The following NKAIN2 variants were observed in gnomAD, a reference collection of about 807,000 sequenced individuals.
NKAIN2 encodes the protein sodium/potassium-transporting ATPase subunit beta-1-interacting protein 2.
NKAIN2 carries 14 observed loss-of-function variants against 32.6 expected under a neutral mutation model. The observed-to-expected ratio is 0.43, with a 90% CI of 0.28 to 0.67. NKAIN2 has a LOEUF of 0.67. NKAIN2 is among the 30% of genes least tolerant of loss of function. The pLI is 0.17. For synonymous variants in NKAIN2, 80 were observed against 87.2 expected (o/e 0.92, Z 0.46); for missense variants, 198 against 258.3 (o/e 0.77, Z 1.60).
In NKAIN2 at chr6:124,397,619, G is replaced by A. The variant is rs548756965; in HGVS notation, c.273+42272G>A. ...TATGTTATGCAATACTAGAGTGGGC[G>A]TTGAAATGTGGAAAAAAAAGAATTT... On this transcript the variant is annotated intron_variant, in intron 3 of 6. Transcript: ENST00000368417. Among the ~76,000 whole-genome samples, 131 of 150,038 alleles carry A rather than the reference G, an allele frequency of 8.7e-4. 1 individual carries two copies. The South Asian group carries it at 0.011, about 13-fold the overall frequency.
chr6:123,908,432 T>G (rs924676257), intron 1 of NKAIN2, among the ~76,000 whole-genome samples: 3 of 152,200 alleles, frequency 2.0e-5, no homozygotes, highest in African/African-American at 7.2e-5. Context: ...TGCATGCATA[T>G]CCTATTCTAT....
At chr6:124,765,594 C>CCTCTTAAGTTGTTTTT (rs1200360862) in intron 4 of NKAIN2, among the ~76,000 whole-genome samples, 1 of 152,182 alleles carries the variant, frequency 6.6e-6, no homozygotes, top group African/African-American at 2.4e-5. Flanking sequence ...AGGTCACACT[C>CCTCTTAAGTTGTTTTT]CTCTTAAGTT....
intron 2 of NKAIN2, among the ~76,000 whole-genome samples, chr6:124,341,478 T>C (rs1798110384): frequency 6.6e-6 from 1 of 152,196 alleles, no homozygotes; most frequent in Admixed American, 6.5e-5. Flanking sequence ...TTTCCCTTTT[T>C]GATGCTCAAA....
chr6:124,678,796 C>T (rs1396937694), intron 4 of NKAIN2, among the ~76,000 whole-genome samples: 1 of 152,136 alleles, frequency 6.6e-6, no homozygotes, highest in South Asian at 2.1e-4. Flanking sequence ...ACACATTTGT[C>T]AAAGTAGCCA....
At chr6:123,971,416 T>C (rs1778335336) in intron 1 of NKAIN2, among the ~76,000 whole-genome samples, 1 of 152,140 alleles carries the variant, frequency 6.6e-6, no homozygotes. Context: ...AGGGGTTTTG[T>C]TCTTTCTTTT....
In NKAIN2 at chr6:124,576,085, T is replaced by G. The variant is rs1781322523; in HGVS notation, c.274-82101T>G. 2.0e-5 allele frequency among the ~76,000 whole-genome samples: 3 copies of G among 152,304 alleles called. No homozygotes were observed. The South Asian group carries it at 6.2e-4, about 32-fold the overall frequency. ...AAGCCAGTTCCACTTAAAAATAACCTTAATCAAGCATTAAAAATTACTGAT... is the reference window on the plus strand; with the variant it reads ...AAGCCAGTTCCACTTAAAAATAACCGTAATCAAGCATTAAAAATTACTGAT... On this transcript the variant is annotated intron_variant, in intron 3 of 6. Transcript: ENST00000368417.
chr6:124,823,113 G>T, intron 6 of NKAIN2, 107 bp from the exon 7 acceptor site: 8 of 798,624 alleles, frequency 1.0e-5, no homozygotes, highest in South Asian at 4.4e-5. Context: ...CTTCTTTTTT[G>T]TTTGTTTGTT....
At position 123,883,994 on chromosome 6, in the gene NKAIN2, G is replaced by T. The variant is rs189950451; in HGVS notation, c.54+79740G>T. Among the ~76,000 whole-genome samples the T allele has an allele frequency of 7.3e-5, 11 of 151,410 alleles. No homozygotes were observed. The East Asian group carries it at 2.1e-3, about 30-fold the overall frequency. The stretch of plus-strand genomic sequence containing the variant: ...TTATTTTAAGTTCAGGGGTACAAGT[G>T]CAGGTTTGTTACATAGATAAACTTG... On this transcript the variant is annotated intron_variant, in intron 1 of 6. Transcript: ENST00000368417.
At chr6:124,168,568 G>A (rs1459538871) in intron 1 of NKAIN2, among the ~76,000 whole-genome samples, 4 of 151,998 alleles carry the variant, frequency 2.6e-5, no homozygotes, top group South Asian at 2.1e-4. Flanking sequence ...GTGTGTGTGT[G>A]TGTGGTCTAC....
intron 1 of NKAIN2, among the ~76,000 whole-genome samples, chr6:124,138,081 G>A (rs1786915691): frequency 6.6e-6 from 1 of 152,110 alleles, no homozygotes; most frequent in African/African-American, 2.4e-5. Flanking sequence ...CAGAGTAGGA[G>A]AAAATATCTG....
chr6:124,461,772 G>A (rs1034148291), intron 3 of NKAIN2, among the ~76,000 whole-genome samples: 2 of 151,818 alleles, frequency 1.3e-5, no homozygotes, highest in African/African-American at 2.4e-5. Flanking sequence ...AGTAGTGGGA[G>A]AAGAACTGCC....
chr6:124,775,743 T>C (rs1298171161), intron 4 of NKAIN2, among the ~76,000 whole-genome samples: 1 of 152,192 alleles, frequency 6.6e-6, no homozygotes, highest in East Asian at 1.9e-4. Context: ...ATCTTAGCTA[T>C]GATAACACTG....
intron 2 of NKAIN2, among the ~76,000 whole-genome samples, chr6:124,335,417 C>A (rs1488661399): frequency 6.6e-6 from 1 of 152,096 alleles, no homozygotes; most frequent in Non-Finnish European, 1.5e-5. Flanking sequence ...ATTGATGTCT[C>A]ATATTTCCCA....
chr6:124,781,212 G>A (rs961902807), intron 4 of NKAIN2, among the ~76,000 whole-genome samples: 2 of 152,094 alleles, frequency 1.3e-5, no homozygotes, highest in Admixed American at 6.6e-5. Context: ...GAGAAGCATA[G>A]GATTTAGGGT....
At chr6:124,235,665 C>A (rs1792712156) in intron 1 of NKAIN2, among the ~76,000 whole-genome samples, 1 of 150,970 alleles carries the variant, frequency 6.6e-6, no homozygotes, top group African/African-American at 2.4e-5. Context: ...ATGGTGCGGT[C>A]TTAGCTCACT....
intron 2 of NKAIN2, among the ~76,000 whole-genome samples, chr6:124,290,588 G>C (rs1252791723): frequency 6.7e-6 from 1 of 149,576 alleles, no homozygotes; most frequent in Non-Finnish European, 1.5e-5. Flanking sequence ...TTCAGCTTTA[G>C]ACAGTGTCTA....
intron 1 of NKAIN2, among the ~76,000 whole-genome samples, chr6:124,241,673 A>T (rs1793104017): frequency 6.6e-6 from 1 of 152,200 alleles, no homozygotes; most frequent in South Asian, 2.1e-4. Flanking sequence ...TGGTGTTGGG[A>T]AAACTGGCTA....
intron 1 of NKAIN2, among the ~76,000 whole-genome samples, chr6:124,220,066 C>T (rs1229300662): frequency 6.6e-6 from 1 of 152,114 alleles, no homozygotes. Context: ...CAAATCTCAT[C>T]TTGAATTGTA....
At chr6:124,129,119 T>C (rs1378555390) in intron 1 of NKAIN2, among the ~76,000 whole-genome samples, 1 of 152,204 alleles carries the variant, frequency 6.6e-6, no homozygotes, top group Non-Finnish European at 1.5e-5. Context: ...TAAGATAGAA[T>C]TGTCAGTACG....
Sources: allele counts gnomAD v4.1 joint callset (sites outside exome capture counted in the v4.1 genomes callset), GRCh38; gene constraint gnomAD v4.1.1; transcripts MANE v1.5; gene names NCBI Gene and HGNC (gene_info 2026-07-23, HGNC 2026-07-21).